Variants in DPH1 observed in about 807,000 individuals in gnomAD.
DPH1 encodes diphthamide biosynthesis 1.
A neutral mutation model predicts 55.3 loss-of-function variants in DPH1; 59 were observed. That is an observed-to-expected ratio of 1.07 (90% CI 0.87 to 1.33). The LOEUF is 1.33. Among genes scored for constraint, DPH1 ranks in the 40% most tolerant of loss-of-function variants. DPH1 has a pLI of 0.00. For synonymous variants in DPH1, 238 were observed against 235.5 expected (o/e 1.01, Z -0.10); for missense variants, 628 against 584.8 (o/e 1.07, Z -0.76).
chr17:2,030,341 C>G, intron 1 of DPH1, 111 bp downstream of exon 1: 1 of 1,300,212 alleles, frequency 7.7e-7, no homozygotes, highest in Non-Finnish European at 1.0e-6. Flanking sequence ...TCCGCTAGAT[C>G]CCGCTGTTAG....
intron 7 of DPH1, 126 bp from the exon 8 acceptor site, chr17:2,040,092 C>A: frequency 7.3e-7 from 1 of 1,367,970 alleles, no homozygotes; most frequent in Non-Finnish European, 1.0e-6. Flanking sequence ...CCGCTCTTGC[C>A]TCTGTTCTTA....
rs1372357783 is a variant in DPH1, at chr17:2,041,139, CTG to C, written c.1045_1046del (p.Trp349GlyfsTer13). On this transcript the variant is annotated frameshift_variant, in exon 10 of 13. Transcript: ENST00000263083. LOFTEE classifies it high-confidence loss of function. ...QVACPRLSIDWGTAFPKPLLT... is the reference protein window; with the variant it reads ...QVACPRLSIDXGTAFPKPLLT... ...TGGCATGTCCACGTCTCTCCATTGA[CTG>C]GGGCACAGCCTTCCCCAAGCCGCTG... 1 of 1,605,800 alleles carries C rather than the reference CTG, an allele frequency of 6.2e-7. No individual in the cohort carries two copies. Among genetic ancestry groups the C allele is most frequent in the East Asian group, 2.2e-5 (1 of 44,754 alleles).
At position 2,041,516 on chromosome 17, in the gene DPH1, G is replaced by C; in HGVS notation, c.1122G>C (p.Gln374His). The change falls in exon 11 of 13, where the codon CAG becomes CAC. Residue 374 changes from glutamine (Q) to histidine (H), a missense_variant. Coordinates refer to ENST00000263083, the MANE Select transcript of DPH1 (RefSeq NM_001383.6). ...AVALRDISWQ[Q>H]PYPMDFYAGS... ...CTCTGAGGGACATTTCCTGGCAGCA[G>C]CCCTACCCGATGGACTTCTACGCTG... 1 of 1,612,760 alleles carries C rather than the reference G, an allele frequency of 6.2e-7. No homozygotes were observed. Among genetic ancestry groups the C allele is most frequent in the Non-Finnish European group, 8.5e-7 (1 of 1,179,636 alleles).
In DPH1 at chr17:2,036,154, A is replaced by C; in HGVS notation, c.400+63A>C. 1 of 1,594,934 alleles carries C rather than the reference A, an allele frequency of 6.3e-7. No individual in the cohort carries two copies. On this transcript the variant is annotated intron_variant, in intron 4 of 12. Coordinates refer to ENST00000263083, the MANE Select transcript of DPH1 (RefSeq NM_001383.6). This position sits in a 1 kb window ranked among gnomAD's most constrained non-coding sequence, Gnocchi z 4.8. ...TGGCAGGGAGGCAGGCTGCACATTC[A>C]TCTTCCCCATGGCAGTGCCTTCTTG... is the stretch of plus-strand genomic sequence containing the variant.
Position 2,041,477 on chromosome 17 carries a change from C to A in DPH1, c.1087-4C>A. ...TGTTATTGTCCCTCCCTCCCCTCCCCTAGGCGGCCGTGGCTCTGAGGGACA... is the reference window on the plus strand; with the variant it reads ...TGTTATTGTCCCTCCCTCCCCTCCCATAGGCGGCCGTGGCTCTGAGGGACA... On this transcript the variant is annotated splice_polypyrimidine_tract_variant and splice_region_variant and intron_variant, in intron 10 of 12. Transcript: ENST00000263083. 6.2e-7 allele frequency: 1 copy of A among 1,601,146 alleles called. No individual in the cohort carries two copies. The highest frequency in any genetic ancestry group is 8.5e-7 in the Non-Finnish European group (1 of 1,175,040).
rs1456210453 is a variant in DPH1, at chr17:2,033,658, G to T, written c.214+1G>T. On this transcript the variant is annotated splice_donor_variant, in intron 2 of 12. Transcript: ENST00000263083. LOFTEE classifies it high-confidence loss of function. ...ATCCAACAAGCCCAGGCCAAGAAGG[G>T]TGAGCCTGTGATCATTGAGCTGGGG... is the stretch of plus-strand genomic sequence containing the variant. 2 of 1,613,990 alleles carry T rather than the reference G, an allele frequency of 1.2e-6. No individual in the cohort carries two copies. The highest frequency in any genetic ancestry group is 1.7e-6 in the Non-Finnish European group (2 of 1,179,872).
chr17:2,040,717 ACT>A (rs2067505465), intron 9 of DPH1, 112 bp downstream of exon 9: 1 of 1,285,336 alleles, frequency 7.8e-7, no homozygotes, highest in South Asian at 1.2e-5. Context: ...ATGGAATTTT[ACT>A]GTTTACAGAG....
rs969672974 is a variant in DPH1 at position 2,036,342 on chromosome 17, G to A, written c.401-187G>A. 15 of 1,044,552 alleles carry A rather than the reference G, an allele frequency of 1.4e-5. No individual in the cohort carries two copies. Among genetic ancestry groups the A allele is most frequent in the Non-Finnish European group, 2.0e-5 (15 of 736,342 alleles). The allele number at this position is 1,044,552 out of a possible 1,614,324, so 64.7% of individuals were successfully genotyped here. ...TGGTTGTAGAGCAGGCTGGGCCCCG[G>A]CCGGGTGACAGAGAAGTCTGATTGA... On this transcript the variant is annotated intron_variant, in intron 4 of 12. Coordinates refer to ENST00000263083, the MANE Select transcript of DPH1 (RefSeq NM_001383.6). This position sits in a 1 kb window ranked among gnomAD's most constrained non-coding sequence, Gnocchi z 4.8.
chr17:2,037,028 C>G, intron 6 of DPH1, 72 bp downstream of exon 6: 1 of 1,545,920 alleles, frequency 6.5e-7, no homozygotes, highest in Non-Finnish European at 8.7e-7. Context: ...TGAGGTTCAT[C>G]ATCCAGGAAA....
chr17:2,038,809 C>G (rs898854814), intron 6 of DPH1, among the ~76,000 whole-genome samples: 4 of 152,202 alleles, frequency 2.6e-5, no homozygotes, highest in Non-Finnish European at 4.4e-5. Context: ...AGAATCTGTT[C>G]CCCAACTTCC....
At chr17:2,040,007 G>C (rs2067488885) in intron 7 of DPH1, among the ~76,000 whole-genome samples, 184 bp downstream of exon 7, 1 of 152,204 alleles carries the variant, frequency 6.6e-6, no homozygotes, top group Non-Finnish European at 1.5e-5. Context: ...CGTCTCCTGG[G>C]GTTTACACGG....
intron 6 of DPH1, among the ~76,000 whole-genome samples, chr17:2,037,951 G>A (rs1363307081): frequency 4.6e-5 from 7 of 152,136 alleles, no homozygotes; most frequent in African/African-American, 1.7e-4. Context: ...AGATAGGACT[G>A]CGTGAACTAA....
In DPH1 at chr17:2,033,842, G is replaced by C. The variant is rs766432888; in HGVS notation, c.278G>C (p.Arg93Thr). The C allele has an allele frequency of 1.5e-5, 25 of 1,614,084 alleles. No homozygotes were observed. The highest frequency in any genetic ancestry group is 2.1e-5 in the Non-Finnish European group (25 of 1,180,032). Residue 93 changes from arginine to threonine, a missense_variant and splice_region_variant, in exon 3 of 13, where the codon AGG (arginine) becomes ACG (threonine). By Grantham distance (71) the Arg-to-Thr change is moderately conservative. Transcript: ENST00000263083. ...TGTACCATTGTGGATATCTTGGAAAGGTGAGGCTTGGGGCACTGGAGAGGA... is the reference window on the plus strand; with the variant it reads ...TGTACCATTGTGGATATCTTGGAAACGTGAGGCTTGGGGCACTGGAGAGGA... ...FACTIVDILE[R>T]FTEAEVMVMG...
chr17:2,037,021 G>C, intron 6 of DPH1, 65 bp downstream of exon 6: 1 of 1,553,830 alleles, frequency 6.4e-7, no homozygotes, highest in Non-Finnish European at 8.7e-7. Context: ...GGGAGCCTGA[G>C]GTTCATCATC....
chr17:2,041,887 C>T lies in DPH1; in HGVS notation c.*18+12C>T, dbSNP rs753505433. On this transcript the variant is annotated intron_variant, in intron 12 of 12. Transcript: ENST00000263083. ...CTCCCGGGCCTCAGGTATCAGCCCC[C>T]GCTCTGGGTGCGCCCCGCCTTTTGC... 14 of 1,561,956 alleles carry T rather than the reference C, an allele frequency of 9.0e-6. No individual in the cohort carries two copies. In the East Asian group the frequency reaches 1.7e-4, roughly 18 times the overall value.
chr17:2,040,525 AGCCTTGG>A lies in DPH1; in HGVS notation c.933_939del (p.Leu311PhefsTer4), dbSNP rs779128948. 1 of 1,614,116 alleles carries A rather than the reference AGCCTTGG, an allele frequency of 6.2e-7. No homozygotes were observed. Among genetic ancestry groups the A allele is most frequent in the Admixed American group, 1.7e-5 (1 of 60,028 alleles). On this transcript the variant is annotated frameshift_variant, in exon 9 of 13. Transcript: ENST00000263083. LOFTEE classifies it high-confidence loss of function. ...AACAGCACCTGGAATCTCGACTCCGAGCCTTGGGCCTTTCCTTTGTGAGGCTGCTGCT... is the reference window on the plus strand; with the variant it reads ...AACAGCACCTGGAATCTCGACTCCGAGCCTTTCCTTTGTGAGGCTGCTGCT...
rs762208897 is a variant in DPH1, at chr17:2,036,398, C to T, written c.401-131C>T. On this transcript the variant is annotated intron_variant, in intron 4 of 12. Transcript: ENST00000263083. This position sits in a 1 kb window ranked among gnomAD's most constrained non-coding sequence, Gnocchi z 4.8. The stretch of plus-strand genomic sequence containing the variant: ...AGCTTCTAGGGGATCTGTGACCCCC[C>T]TCTTCTCCTACCCTGTCCTTTTACC... The T allele has an allele frequency of 1.6e-6, 2 of 1,254,922 alleles. No individual in the cohort carries two copies. The highest frequency in any genetic ancestry group is 2.2e-6 in the Non-Finnish European group (2 of 899,834). 77.7% of individuals were successfully genotyped at this position (1,254,922 alleles called of 1,614,324 possible). A position where few individuals can be genotyped will look rare whatever the true frequency, so the allele number is the denominator to read the frequency against.
In DPH1 at chr17:2,040,586, C is replaced by A; in HGVS notation, c.988C>A (p.Leu330Ile). The A allele has an allele frequency of 1.2e-6, 2 of 1,614,164 alleles. No homozygotes were observed. Among genetic ancestry groups the A allele is most frequent in the Middle Eastern group, 1.6e-4 (1 of 6,062 alleles). The change falls in exon 9 of 13, where the codon CTA (leucine) becomes ATA (isoleucine). Residue 330 changes from leucine to isoleucine, a missense_variant. Transcript: ENST00000263083. ...LSEIFPSKLS[L>I]LPEVDVWVQV... The stretch of plus-strand genomic sequence containing the variant: ...TGAGATCTTCCCCAGCAAGCTTAGC[C>A]TACTTCCTGAGGTGGATGTGTGAGT...
chr17:2,041,845 G>T lies in DPH1; in HGVS notation c.1305G>T (p.Pro435=), dbSNP rs1399885692. 1.3e-6 allele frequency: 2 copies of T among 1,598,414 alleles called. No homozygotes were observed. Among genetic ancestry groups the T allele is most frequent in the East Asian group, 4.5e-5 (2 of 44,230 alleles). ...GCTGCAGGGACGAGAAGGTGGCGCCGCTGGCTCCTTGACGCGCTCCCGGGC... is the reference window on the plus strand; with the variant it reads ...GCTGCAGGGACGAGAAGGTGGCGCCTCTGGCTCCTTGACGCGCTCCCGGGC... The part of the protein sequence containing the change: ...DCSCRDEKVA[P]LAP Residue 435 remains proline (P), a synonymous_variant, in exon 12 of 13, where the codon CCG becomes CCT. Transcript: ENST00000263083.
Sources: gnomAD v4.1 joint callset for allele counts (sites outside exome capture counted in the v4.1 genomes callset) on GRCh38, gnomAD v4.1.1 for gene constraint, Gnocchi (gnomAD v3.1) non-coding constraint, MANE v1.5 for transcripts, NCBI Gene and HGNC (gene_info 2026-07-23, HGNC 2026-07-21) for gene names.